Variants in NTM observed in about 807,000 individuals in gnomAD.
NTM encodes neurotrimin.
A neutral mutation model predicts 42.1 loss-of-function variants in NTM; 13 were observed. That is an observed-to-expected ratio of 0.31 (90% CI 0.20 to 0.49). NTM has a LOEUF of 0.49. Ranked by LOEUF, NTM falls within the 20% of genes least tolerant of loss-of-function variation. The pLI is 0.99. For missense variants in NTM, 373 were observed against 452.8 expected, an observed-to-expected ratio of 0.82 and a Z score of 1.60; for synonymous variants, 187 against 179.2, an observed-to-expected ratio of 1.04 and a Z score of -0.35.
intron 1 of NTM, among the ~76,000 whole-genome samples, chr11:131,818,628 G>C (rs1241210076): frequency 6.6e-6 from 1 of 152,112 alleles, no homozygotes; most frequent in Non-Finnish European, 1.5e-5. Context: ...ATCCAACAGA[G>C]GTACCATTCA....
chr11:132,304,208 C>A (rs1399114230), intron 4 of NTM, among the ~76,000 whole-genome samples: 1 of 151,986 alleles, frequency 6.6e-6, no homozygotes, highest in African/African-American at 2.4e-5. Context: ...AGAAGTGGAC[C>A]ATGATGAAGG....
chr11:132,071,419 C>T (rs1158819685), intron 2 of NTM, among the ~76,000 whole-genome samples: 1 of 152,142 alleles, frequency 6.6e-6, no homozygotes, highest in Non-Finnish European at 1.5e-5. Flanking sequence ...TAACACGTCA[C>T]ACTGACCACC....
At chr11:131,437,917 G>A (rs1429061215) in intron 1 of NTM, among the ~76,000 whole-genome samples, 2 of 152,164 alleles carry the variant, frequency 1.3e-5, no homozygotes, top group African/African-American at 4.8e-5. Flanking sequence ...GCAGTGGCTG[G>A]TACCAGTTTT....
In NTM at chr11:131,804,661, G is replaced by A. The variant is rs935226460; in HGVS notation, c.83-106903G>A. On this transcript the variant is annotated intron_variant, in intron 1 of 8. Coordinates refer to ENST00000683400, the MANE Select transcript of NTM (RefSeq NM_001352005.2). ...ACATCTTCTCTCAGCCAACCTGACA[G>A]CATCAGCCATTCCCTTCCTTGTACC... 2.0e-5 allele frequency among the ~76,000 whole-genome samples: 3 copies of A among 152,164 alleles called. No individual in the cohort carries two copies. In the East Asian group the frequency reaches 5.8e-4, roughly 29 times the overall value.
At chr11:132,161,538 GT>G (rs1476382271) in intron 3 of NTM, among the ~76,000 whole-genome samples, 1 of 151,712 alleles carries the variant, frequency 6.6e-6, no homozygotes, top group Non-Finnish European at 1.5e-5. Context: ...CGCCAACCCC[GT>G]TTTTCATGTT....
chr11:131,545,803 G>T (rs2053859501), intron 1 of NTM, among the ~76,000 whole-genome samples: 1 of 152,186 alleles, frequency 6.6e-6, no homozygotes, highest in Non-Finnish European at 1.5e-5. Context: ...TAGAGGAGGG[G>T]CAGGGGCCTG....
intron 1 of NTM, among the ~76,000 whole-genome samples, chr11:131,634,907 T>C (rs2064172063): frequency 6.6e-6 from 1 of 152,250 alleles, no homozygotes; most frequent in Admixed American, 6.5e-5. Flanking sequence ...GATTTGGATA[T>C]GATACGTGTA....
chr11:131,917,576 G>T (rs73580757), intron 2 of NTM, among the ~76,000 whole-genome samples: 2 of 152,206 alleles, frequency 1.3e-5, no homozygotes, highest in African/African-American at 2.4e-5. Context: ...GCATTTTCAA[G>T]GTAAGGAGGG....
intron 4 of NTM, among the ~76,000 whole-genome samples, chr11:132,293,049 G>T (rs538148994): frequency 6.6e-6 from 1 of 152,100 alleles, no homozygotes; most frequent in Non-Finnish European, 1.5e-5. Flanking sequence ...ATGAGGGGCC[G>T]GTTTTTGACG....
chr11:132,137,000 A>G (rs1591755298), intron 2 of NTM, among the ~76,000 whole-genome samples: 1 of 152,218 alleles, frequency 6.6e-6, no homozygotes, highest in Non-Finnish European at 1.5e-5. Flanking sequence ...GTGTGACTCC[A>G]TGTGGCTAAT....
chr11:132,070,501 G>T (rs532972172), intron 2 of NTM, among the ~76,000 whole-genome samples: 76 of 112,374 alleles, frequency 6.8e-4, no homozygotes, highest in African/African-American at 2.4e-3. Context: ...ACCGTCACAG[G>T]TTAGTTAACA....
chr11:132,248,161 C>T (rs574131324), intron 4 of NTM, among the ~76,000 whole-genome samples: 4 of 152,290 alleles, frequency 2.6e-5, no homozygotes, highest in African/African-American at 7.2e-5. Flanking sequence ...GAATGCATTT[C>T]GCCAGTGTCC....
chr11:132,223,560 T>A (rs1566514119), intron 4 of NTM, among the ~76,000 whole-genome samples: 1 of 152,100 alleles, frequency 6.6e-6, no homozygotes, highest in Non-Finnish European at 1.5e-5. Context: ...TTTAAAACCT[T>A]CCCTGTCTGC....
At chr11:131,837,698 T>C (rs2043692045) in intron 1 of NTM, among the ~76,000 whole-genome samples, 1 of 152,118 alleles carries the variant, frequency 6.6e-6, no homozygotes, top group Non-Finnish European at 1.5e-5. Context: ...TGGAAAAGGT[T>C]CCTGTGCACC....
At chr11:131,588,118 C>T (rs1374668173) in intron 1 of NTM, among the ~76,000 whole-genome samples, 2 of 708 alleles carry the variant, frequency 2.8e-3, no homozygotes, top group African/African-American at 0.017. Flanking sequence ...ATGAAGAAAC[C>T]GAGGCACAGA....
chr11:131,774,991 G>A (rs2086734019), intron 1 of NTM, among the ~76,000 whole-genome samples: 2 of 152,284 alleles, frequency 1.3e-5, no homozygotes, highest in South Asian at 4.1e-4. Context: ...TGGGAGTTTT[G>A]TTTCCATGGG....
chr11:132,240,840 G>A (rs1353802486), intron 4 of NTM, among the ~76,000 whole-genome samples: 1 of 152,172 alleles, frequency 6.6e-6, no homozygotes, highest in Non-Finnish European at 1.5e-5. Flanking sequence ...CAGAAATATT[G>A]TGGCTGGGGA....
chr11:131,723,336 A>G (rs2078589468), intron 1 of NTM, among the ~76,000 whole-genome samples: 1 of 152,166 alleles, frequency 6.6e-6, no homozygotes, highest in African/African-American at 2.4e-5. Flanking sequence ...GCCAAGGATC[A>G]GTTACTACAG....
At chr11:131,586,505 C>T (rs1272206229) in intron 1 of NTM, among the ~76,000 whole-genome samples, 1 of 152,116 alleles carries the variant, frequency 6.6e-6, no homozygotes, top group Non-Finnish European at 1.5e-5. Flanking sequence ...TGTTAATGGT[C>T]ATATGAGTGA....
Sources: gnomAD v4.1 joint callset for allele counts (sites outside exome capture counted in the v4.1 genomes callset) on GRCh38, gnomAD v4.1.1 for gene constraint, MANE v1.5 for transcripts, NCBI Gene and HGNC (gene_info 2026-07-23, HGNC 2026-07-21) for gene names.